Variants in ITPR1 observed in about 807,000 individuals in gnomAD.
ITPR1 encodes inositol 1,4,5-trisphosphate receptor type 1.
In ITPR1, 96 loss-of-function variants were observed where a neutral mutation model predicts 318.4. The observed-to-expected ratio is 0.30, with a 90% CI of 0.26 to 0.36. The LOEUF (loss-of-function observed/expected upper bound fraction) is 0.36. ITPR1 is among the 10% of genes least tolerant of loss of function. The probability of loss-of-function intolerance (pLI) is 1.00; values close to 1 mark genes in which losing one functional copy is unlikely to be tolerated. For synonymous variants in ITPR1, 1,312 were observed against 1,289.9 expected (o/e 1.02, Z -0.37); for missense variants, 2,440 against 3,460.2 (o/e 0.71, Z 7.40).
chr3:4,662,071 T>C lies in ITPR1; in HGVS notation c.1252-11T>C, dbSNP rs2093847337. ...AAGAGATTATCTCACAAGGACCACC[T>C]TGAATTTCAGATTGGCACCTCTCCT... On this transcript the variant is annotated splice_polypyrimidine_tract_variant and intron_variant, in intron 14 of 61. Transcript: ENST00000649015. 6.2e-7 allele frequency: 1 copy of C among 1,611,378 alleles called. No individual in the cohort carries two copies. The highest frequency in any genetic ancestry group is 1.3e-5 in the African/African-American group (1 of 74,886).
In ITPR1 at chr3:4,665,118, CT is replaced by C; in HGVS notation, c.1555-16del. 1 of 1,613,758 alleles carries C rather than the reference CT, an allele frequency of 6.2e-7. No homozygotes were observed. On this transcript the variant is annotated intron_variant, in intron 16 of 61. Transcript: ENST00000649015. ...AAGCCCTAAGTGATTGCCATTTTTGCTTTTCATTTTCACAAACAGATCTTCA... is the reference window on the plus strand; with the variant it reads ...AAGCCCTAAGTGATTGCCATTTTTGCTTTCATTTTCACAAACAGATCTTCA...
intron 38 of ITPR1, among the ~76,000 whole-genome samples, chr3:4,711,224 A>AT: frequency 6.6e-6 from 1 of 151,650 alleles, no homozygotes; most frequent in Non-Finnish European, 1.5e-5. Context: ...AAAAAAAAAA[A>AT]AAAAAAAAAA....
intron 40 of ITPR1, among the ~76,000 whole-genome samples, chr3:4,722,357 G>T (rs1044018661): frequency 2.6e-5 from 4 of 152,148 alleles, no homozygotes; most frequent in African/African-American, 9.7e-5. Context: ...GCGCCTGAAC[G>T]CAGTGACTGG....
At chr3:4,630,011 T>C (rs2092963956) in intron 5 of ITPR1, among the ~76,000 whole-genome samples, 1 of 152,166 alleles carries the variant, frequency 6.6e-6, no homozygotes, top group Admixed American at 6.6e-5. Context: ...TTGTACCTTC[T>C]TTAGAGCAAA....
chr3:4,526,059 A>G (rs1014977532), intron 4 of ITPR1, among the ~76,000 whole-genome samples: 29 of 152,242 alleles, frequency 1.9e-4, no homozygotes, highest in Non-Finnish European at 3.7e-4. Context: ...GATTCGGGCA[A>G]CAGTCAGGCT....
chr3:4,640,218 G>A (rs1410262213), intron 6 of ITPR1, among the ~76,000 whole-genome samples: 2 of 152,206 alleles, frequency 1.3e-5, no homozygotes, highest in Non-Finnish European at 1.5e-5. Context: ...TGCCTGCTAT[G>A]TAAACCTTAC....
At chr3:4,494,244 A>C (rs540135512) in intron 1 of ITPR1, among the ~76,000 whole-genome samples, 187 bp from the exon 2 acceptor site, 1 of 152,382 alleles carries the variant, frequency 6.6e-6, no homozygotes, top group East Asian at 1.9e-4. Flanking sequence ...CCTGGAAATA[A>C]GTAAGCGTAG....
At chr3:4,513,993 G>A (rs3941146) in intron 2 of ITPR1, among the ~76,000 whole-genome samples, 24,630 of 151,992 alleles carry the variant, frequency 0.16, 2,431 homozygotes, top group East Asian at 0.27. Context: ...AGGCTGAGGC[G>A]GGAGAATCGC....
At chr3:4,610,301 A>G (rs148896569) in intron 4 of ITPR1, among the ~76,000 whole-genome samples, 4 of 152,060 alleles carry the variant, frequency 2.6e-5, no homozygotes, top group African/African-American at 9.6e-5. Context: ...CCCTGATGAC[A>G]CTCGGGGACC....
chr3:4,580,209 C>CA (rs911846264), intron 4 of ITPR1, among the ~76,000 whole-genome samples: 8 of 150,050 alleles, frequency 5.3e-5, no homozygotes, highest in African/African-American at 1.5e-4. Context: ...GACTCCGTCT[C>CA]AAAAAAAAAC....
At chr3:4,589,515 G>C (rs1036605305) in intron 4 of ITPR1, among the ~76,000 whole-genome samples, 1 of 152,156 alleles carries the variant, frequency 6.6e-6, no homozygotes, top group Admixed American at 6.5e-5. Flanking sequence ...TGCCCAGGTA[G>C]TTTGCAGGCA....
chr3:4,717,233 C>G (rs528408795), intron 39 of ITPR1, 134 bp from the exon 40 acceptor site: 12 of 794,114 alleles, frequency 1.5e-5, no homozygotes, highest in African/African-American at 1.2e-4. Flanking sequence ...GCCCAAGCCT[C>G]TTAGGATGGT....
intron 4 of ITPR1, among the ~76,000 whole-genome samples, chr3:4,546,918 T>C (rs538292733): frequency 1.1e-4 from 17 of 152,300 alleles, no homozygotes; most frequent in African/African-American, 4.1e-4. Context: ...ACTTTGAGTG[T>C]TTGGAAAACA....
At chr3:4,655,050 T>A (rs1395530725) in intron 12 of ITPR1, among the ~76,000 whole-genome samples, 2 of 152,208 alleles carry the variant, frequency 1.3e-5, no homozygotes, top group Non-Finnish European at 2.9e-5. Context: ...CTGACCCAGT[T>A]TAACCCTCTG....
intron 2 of ITPR1, among the ~76,000 whole-genome samples, chr3:4,496,597 A>T (rs1291138899): frequency 3.3e-5 from 5 of 152,240 alleles, no homozygotes; most frequent in African/African-American, 4.8e-5. Flanking sequence ...AAAAAAAGAG[A>T]TAGATGAACT....
chr3:4,551,077 A>G (rs1221685187), intron 4 of ITPR1, among the ~76,000 whole-genome samples: 1 of 152,172 alleles, frequency 6.6e-6, no homozygotes, highest in Non-Finnish European at 1.5e-5. Flanking sequence ...GCTCATGTGT[A>G]TGTATTTGAG....
chr3:4,811,131 C>T (rs1202436600), intron 55 of ITPR1, 134 bp from the exon 56 acceptor site: 1 of 460,762 alleles, frequency 2.2e-6, no homozygotes, highest in African/African-American at 2.0e-5. Flanking sequence ...GGAAGATGTT[C>T]AGTGTTAAGA....
At chr3:4,690,490 A>G (rs570127345) in intron 31 of ITPR1, among the ~76,000 whole-genome samples, 61 of 152,348 alleles carry the variant, frequency 4.0e-4, no homozygotes, top group Non-Finnish European at 6.5e-4. Flanking sequence ...GAACAGCTGG[A>G]ATGTAGAATG....
At chr3:4,683,352 T>G in intron 26 of ITPR1, 34 bp from the exon 27 acceptor site, 1 of 1,613,354 alleles carries the variant, frequency 6.2e-7, no homozygotes, top group Non-Finnish European at 8.5e-7. Flanking sequence ...CATTTGTCAT[T>G]CATTTGGCCT....
Sources: gnomAD v4.1 joint callset for allele counts (sites outside exome capture counted in the v4.1 genomes callset) on GRCh38, gnomAD v4.1.1 for gene constraint, MANE v1.5 for transcripts, NCBI Gene and HGNC (gene_info 2026-07-23, HGNC 2026-07-21) for gene names.